The following LBHD1 variants were observed in gnomAD, a reference collection of about 807,000 sequenced individuals.
LBHD1 encodes the protein LBH domain-containing protein 1.
LBHD1 carries 28 observed loss-of-function variants against 31.1 expected under a neutral mutation model. The observed-to-expected ratio is 0.90, with a 90% confidence interval of 0.67 to 1.24. The LOEUF (loss-of-function observed/expected upper bound fraction) is 1.24, where lower values mean the gene tolerates loss of function less well. Ranked by LOEUF, LBHD1 falls within the 50% of genes most tolerant of loss-of-function variation. The pLI, the probability that LBHD1 is intolerant of heterozygous loss-of-function variation, is 0.00. For missense variants in LBHD1, 350 were observed against 323.0 expected, an observed-to-expected ratio of 1.08 and a Z score of -0.64; for synonymous variants, 105 against 116.5, an observed-to-expected ratio of 0.90 and a Z score of 0.63.
At chr11:62,665,094 G>T in intron 4 of LBHD1, 121 bp from the exon 5 acceptor site, 1 of 1,439,394 alleles carries the variant, frequency 6.9e-7, no homozygotes. Context: ...GCTCAGGAAC[G>T]CTTGAGGAAA....
At position 62,669,784 on chromosome 11, in the gene LBHD1, TG is replaced by T. The variant is rs1372057074; in HGVS notation, c.169del (p.His57IlefsTer12). The T allele has an allele frequency of 2.5e-6, 4 of 1,614,098 alleles. No homozygotes were observed. The African/African-American group carries it at 5.3e-5, about 22-fold the overall frequency. On this transcript the variant is annotated frameshift_variant, in exon 3 of 7. Coordinates refer to ENST00000354588, the MANE Select transcript of LBHD1 (RefSeq NM_024099.5). LOFTEE classifies it high-confidence loss of function. ...GGATTCCACCACAATAGACGGCAGA[TG>T]GGACTTTTGAGAGAAATCCTGAATA... ...QHIQDFSQKS[H>X]LPSIVVESSE...
chr11:62,665,071 G>C (rs1269933795), intron 4 of LBHD1, 98 bp from the exon 5 acceptor site: 1 of 1,548,946 alleles, frequency 6.5e-7, no homozygotes, highest in Non-Finnish European at 8.7e-7. Context: ...CCCATCTCGT[G>C]CGAGATAAAA....
chr11:62,666,683 C>T (rs1272772632), intron 4 of LBHD1: 1 of 1,613,948 alleles, frequency 6.2e-7, no homozygotes, highest in Non-Finnish European at 8.5e-7. Flanking sequence ...CATGAATAGC[C>T]TCCTGGAGGG....
At chr11:62,665,283 A>C (rs944189920) in intron 4 of LBHD1, 186 of 722,910 alleles carry the variant, frequency 2.6e-4, no homozygotes, top group Middle Eastern at 1.4e-3. Context: ...TCCTCGGGCT[A>C]TATAAAGGAG....
Position 62,671,830 on chromosome 11 carries a change from A to C in LBHD1, c.-277T>G, listed in dbSNP as rs781087247. 3.1e-6 allele frequency: 5 copies of C among 1,613,840 alleles called. No individual in the cohort carries two copies. The African/African-American group carries it at 6.7e-5, about 22-fold the overall frequency. On this transcript the variant is annotated 5_prime_UTR_variant, in exon 1 of 7. Coordinates refer to ENST00000354588, the MANE Select transcript of LBHD1 (RefSeq NM_024099.5). ...GGGCTACGCGCTCCTCGTTATCGTG[A>C]CCCCGGGAGAGCGGCGGAAGCAGGA...
intron 4 of LBHD1, chr11:62,666,613 C>CA: frequency 6.2e-7 from 1 of 1,614,176 alleles, no homozygotes; most frequent in Non-Finnish European, 8.5e-7. Flanking sequence ...GCCTCTACAC[C>CA]AAATCTCCAC....
chr11:62,666,515 C>A, intron 4 of LBHD1: 1 of 1,614,154 alleles, frequency 6.2e-7, no homozygotes, highest in Non-Finnish European at 8.5e-7. Context: ...AGTCCAGGGG[C>A]TCCTACTGCC....
rs140739833 is a variant in LBHD1, at chr11:62,669,623, A to C, written c.313+18T>G. ...CATTCAGCTCACAGTGGCCCCCTGA[A>C]TGAGCCACCTCCCTCACCTGGCTCT... On this transcript the variant is annotated intron_variant, in intron 3 of 6. Transcript: ENST00000354588. 1,052 of 1,604,812 alleles carry C rather than the reference A, an allele frequency of 6.6e-4. 5 individuals are homozygous for C. In the African/African-American group the frequency reaches 0.012, roughly 18 times the overall value.
At chr11:62,668,112 C>T (rs1944867638) in intron 3 of LBHD1, 1 of 188,472 alleles carries the variant, frequency 5.3e-6, no homozygotes, top group South Asian at 1.1e-4. Flanking sequence ...AGCCTAACCT[C>T]GCAGCCTCAA....
intron 4 of LBHD1, 140 bp downstream of exon 4, chr11:62,667,383 C>G (rs956836160): frequency 3.5e-6 from 3 of 847,404 alleles, no homozygotes; most frequent in Admixed American, 4.7e-5. Flanking sequence ...AAAACCCCTG[C>G]GCTGACTGAC....
intron 4 of LBHD1, chr11:62,665,293 G>A (rs1944765325): frequency 4.2e-6 from 3 of 713,908 alleles, no homozygotes; most frequent in Admixed American, 4.8e-5. Flanking sequence ...ATATAAAGGA[G>A]CTCCGCGGTG....
At position 62,671,617 on chromosome 11, in the gene LBHD1, G is replaced by A; in HGVS notation, c.-64C>T. On this transcript the variant is annotated 5_prime_UTR_variant, in exon 1 of 7. Coordinates refer to ENST00000354588, the MANE Select transcript of LBHD1 (RefSeq NM_024099.5). Reference sequence around the variant, plus strand: ...CGTTTCCTCGAGCAGGTCCTCTCTAGCCGGCCGCTTATCTATGGTTTCTGC... The same window carrying A: ...CGTTTCCTCGAGCAGGTCCTCTCTAACCGGCCGCTTATCTATGGTTTCTGC... 1 of 1,503,854 alleles carries A rather than the reference G, an allele frequency of 6.6e-7. No homozygotes were observed. The highest frequency in any genetic ancestry group is 2.3e-5 in the East Asian group (1 of 43,806). 93.2% of individuals were successfully genotyped at this position (1,503,854 alleles called of 1,614,324 possible). A position where few individuals can be genotyped will look rare whatever the true frequency, so the allele number is the denominator to read the frequency against.
chr11:62,670,470 G>C (rs1944918569), intron 1 of LBHD1: 1 of 163,240 alleles, frequency 6.1e-6, no homozygotes, highest in Non-Finnish European at 1.3e-5. Flanking sequence ...GACAAGTACT[G>C]TTGTTATAAG....
rs1347018607 is a variant in LBHD1, at chr11:62,667,678, T to C, written c.383A>G (p.Gln128Arg). Residue 128 changes from glutamine to arginine, a missense_variant, in exon 4 of 7, where the codon CAG becomes CGG. By Grantham distance (43) the Gln-to-Arg change is conservative. Coordinates refer to ENST00000354588, the MANE Select transcript of LBHD1 (RefSeq NM_024099.5). ...RTFNAGLSWG[Q>R]DQDEEDACWI... is the part of the protein sequence containing the mutation. ...ACAAGCATCTTCTTCATCCTGGTCC[T>C]GCCCCCAGCTGAGTCCAGCGTTAAA... The C allele has an allele frequency of 6.2e-7, 1 of 1,614,046 alleles. No homozygotes were observed. The highest frequency in any genetic ancestry group is 8.5e-7 in the Non-Finnish European group (1 of 1,180,024).
Position 62,670,900 on chromosome 11 carries a change from ACT to A in LBHD1, c.-11+662_-11+663del, listed in dbSNP as rs74876416. ...CACTCCAGCTGGGCAACAGAGTGAGACTCTGTCTCAAAAAGCAAAAAAGAAAA... is the reference window on the plus strand; with the variant it reads ...CACTCCAGCTGGGCAACAGAGTGAGACTGTCTCAAAAAGCAAAAAAGAAAA... On this transcript the variant is annotated intron_variant, in intron 1 of 6. Transcript: ENST00000354588. The A allele has an allele frequency of 2.1e-4, 39 of 187,986 alleles. No individual in the cohort carries two copies. In the East Asian group the frequency reaches 5.3e-3, roughly 25 times the overall value. 11.6% of individuals were successfully genotyped at this position (187,986 alleles called of 1,614,324 possible). A position where few individuals can be genotyped will look rare whatever the true frequency, so the allele number is the denominator to read the frequency against.
chr11:62,668,713 GAA>G (rs1410160786), intron 3 of LBHD1, among the ~76,000 whole-genome samples: 1 of 151,030 alleles, frequency 6.6e-6, no homozygotes, highest in Non-Finnish European at 1.5e-5. Context: ...TGAGGCAGGA[GAA>G]TGGCACGAAC....
Position 62,666,839 on chromosome 11 carries a change from C to T in LBHD1, c.538+684G>A, listed in dbSNP as rs779457794. 116 of 1,614,026 alleles carry T rather than the reference C, an allele frequency of 7.2e-5. 1 individual carries two copies. In the African/African-American group the frequency reaches 1.3e-3, roughly 18 times the overall value. On this transcript the variant is annotated intron_variant, in intron 4 of 6. Transcript: ENST00000354588. ...CAAAGGCACATGGGATGCTGTTGCC[C>T]GGGGAGGTCTGCCTAGGGCTTACCA... is the stretch of plus-strand genomic sequence containing the variant.
chr11:62,664,757 G>A lies in LBHD1; in HGVS notation c.663+92C>T, dbSNP rs373602637. 15 of 1,467,666 alleles carry A rather than the reference G, an allele frequency of 1.0e-5. No homozygotes were observed. The African/African-American group carries it at 1.7e-4, about 17-fold the overall frequency. The allele number at this position is 1,467,666 out of a possible 1,614,324, so 90.9% of individuals were successfully genotyped here. ...TCCCCGCATAAGCGTCAGTGCACAA[G>A]GTGAGCTGAGAGGTGAAGCTGCTCC... On this transcript the variant is annotated intron_variant, in intron 5 of 6. Coordinates refer to ENST00000354588, the MANE Select transcript of LBHD1 (RefSeq NM_024099.5).
intron 4 of LBHD1, 160 bp downstream of exon 4, chr11:62,667,363 G>A: frequency 1.2e-5 from 9 of 730,478 alleles, no homozygotes. Flanking sequence ...CAGCAGACAG[G>A]AACTGAATCA....
Sources: gnomAD v4.1 joint callset for allele counts (sites outside exome capture counted in the v4.1 genomes callset) on GRCh38, gnomAD v4.1.1 for gene constraint, MANE v1.5 for transcripts, NCBI Gene and HGNC (gene_info 2026-07-23, HGNC 2026-07-21) for gene names.